ADAMTSL3: variants seen among roughly 807,000 people sequenced by gnomAD.
ADAMTSL3 encodes the protein ADAMTS like 3, also known as ADAMTS-like protein 3.
A neutral mutation model predicts 201.7 loss-of-function variants in ADAMTSL3; 128 were observed. That is an observed-to-expected ratio of 0.63 (90% CI 0.55 to 0.73). ADAMTSL3 has a LOEUF of 0.73. ADAMTSL3 is among the 30% of genes least tolerant of loss of function. The pLI is 0.00. For synonymous variants in ADAMTSL3, 738 were observed against 748.4 expected, an observed-to-expected ratio of 0.99 and a Z score of 0.23; for missense variants, 1,990 against 2,119.6, an observed-to-expected ratio of 0.94 and a Z score of 1.20.
chr15:83,657,030 A>C (rs1156958026), intron 2 of ADAMTSL3, among the ~76,000 whole-genome samples: 2 of 152,184 alleles, frequency 1.3e-5, no homozygotes, highest in African/African-American at 2.4e-5. Flanking sequence ...TAATCATATT[A>C]ATAGAGCTCT....
intron 15 of ADAMTSL3, among the ~76,000 whole-genome samples, chr15:83,909,408 CT>C (rs2065894928): frequency 6.6e-6 from 1 of 152,074 alleles, no homozygotes; most frequent in East Asian, 1.9e-4. Flanking sequence ...ATTTCAGTCA[CT>C]TTTTTCATAT....
At chr15:84,013,920 C>G (rs975256162) in intron 23 of ADAMTSL3, among the ~76,000 whole-genome samples, 1 of 152,186 alleles carries the variant, frequency 6.6e-6, no homozygotes, top group Non-Finnish European at 1.5e-5. Context: ...TGTGTCCAGG[C>G]TCCTGCAATG....
At chr15:83,974,194 T>C (rs1358602154) in intron 20 of ADAMTSL3, among the ~76,000 whole-genome samples, 1 of 152,224 alleles carries the variant, frequency 6.6e-6, no homozygotes, top group African/African-American at 2.4e-5. Context: ...CAGTCGCACT[T>C]AATGTCTGAA....
intron 25 of ADAMTSL3, among the ~76,000 whole-genome samples, chr15:84,018,378 C>A (rs1345061090): frequency 3.9e-5 from 6 of 152,168 alleles, no homozygotes; most frequent in Admixed American, 3.9e-4. Flanking sequence ...TAGTGTTGGA[C>A]AGGGTGGTGT....
At position 83,858,793 on chromosome 15, in the gene ADAMTSL3, T is replaced by C. The variant is rs1224781445; in HGVS notation, c.755T>C (p.Leu252Ser). 1 of 1,613,824 alleles carries C rather than the reference T, an allele frequency of 6.2e-7. No individual in the cohort carries two copies. Among genetic ancestry groups the C allele is most frequent in the Non-Finnish European group, 8.5e-7 (1 of 1,179,910 alleles). Residue 252 changes from leucine to serine, a missense_variant, in exon 8 of 30, where the codon TTG becomes TCG. Physicochemically the swap from Leu to Ser is moderately radical, Grantham distance 145. Transcript: ENST00000286744. Reference protein sequence around the residue: ...KREENVIAVPLGSRSVRITVK... With the variant: ...KREENVIAVPSGSRSVRITVK... ...GAAGAAAATGTAATTGCTGTTCCTT[T>C]GGGAAGTCGAAGTGTGAGAATTACA...
chr15:83,921,423 C>G (rs182834306), intron 16 of ADAMTSL3, among the ~76,000 whole-genome samples: 16 of 152,192 alleles, frequency 1.1e-4, no homozygotes, highest in African/African-American at 3.6e-4. Context: ...ATTTATTTTA[C>G]AACTTGGCAT....
At chr15:83,714,965 AT>A (rs1310517983) in intron 3 of ADAMTSL3, among the ~76,000 whole-genome samples, 1 of 120,268 alleles carries the variant, frequency 8.3e-6, no homozygotes, top group Non-Finnish European at 1.7e-5. Context: ...TCATCTTGGA[AT>A]TTTTTTTCTT....
intron 3 of ADAMTSL3, among the ~76,000 whole-genome samples, chr15:83,714,567 A>G (rs2061974469): frequency 6.6e-6 from 1 of 151,898 alleles, no homozygotes; most frequent in Non-Finnish European, 1.5e-5. Context: ...ACTTCCTCAA[A>G]GAAGTAAGGC....
chr15:83,826,154 G>A (rs1327609264), intron 6 of ADAMTSL3, among the ~76,000 whole-genome samples: 2 of 152,090 alleles, frequency 1.3e-5, no homozygotes, highest in Non-Finnish European at 2.9e-5. Flanking sequence ...TGTCCAGGCT[G>A]GAGTGTAATG....
At chr15:83,951,068 C>T (rs565387501) in intron 19 of ADAMTSL3, among the ~76,000 whole-genome samples, 8 of 150,112 alleles carry the variant, frequency 5.3e-5, no homozygotes, top group East Asian at 3.9e-4. Flanking sequence ...ATAACAGTGG[C>T]GAAAGTGAGC....
intron 5 of ADAMTSL3, among the ~76,000 whole-genome samples, chr15:83,809,607 G>T (rs1454762087): frequency 6.6e-6 from 1 of 152,134 alleles, no homozygotes; most frequent in Non-Finnish European, 1.5e-5. Flanking sequence ...ACTCGTTACT[G>T]TCTTGGTAAA....
chr15:83,704,532 AC>A, intron 3 of ADAMTSL3, 24 bp downstream of exon 3: 2 of 1,611,836 alleles, frequency 1.2e-6, no homozygotes, highest in Non-Finnish European at 1.7e-6. Context: ...ACAAGGATCT[AC>A]CTTTGGCTTT....
intron 3 of ADAMTSL3, among the ~76,000 whole-genome samples, chr15:83,752,953 C>T (rs1223551811): frequency 6.6e-6 from 1 of 152,212 alleles, no homozygotes; most frequent in East Asian, 1.9e-4. Context: ...GCCCTGACTT[C>T]ACAGGCTGAG....
chr15:84,011,924 G>T (rs925504169), intron 23 of ADAMTSL3, among the ~76,000 whole-genome samples: 1 of 152,178 alleles, frequency 6.6e-6, no homozygotes, highest in Non-Finnish European at 1.5e-5. Flanking sequence ...GGTTAAGAAA[G>T]GTTCTGAATC....
intron 9 of ADAMTSL3, among the ~76,000 whole-genome samples, chr15:83,875,866 C>G (rs2065167889): frequency 1.3e-5 from 2 of 152,066 alleles, no homozygotes; most frequent in African/African-American, 4.8e-5. Context: ...TGAACAAGAA[C>G]AAAATTGAGT....
intron 4 of ADAMTSL3, among the ~76,000 whole-genome samples, chr15:83,774,078 A>G (rs1427879251): frequency 6.6e-6 from 1 of 152,250 alleles, no homozygotes; most frequent in Non-Finnish European, 1.5e-5. Flanking sequence ...TTTATGTTAA[A>G]TAATGTTTGC....
intron 19 of ADAMTSL3, among the ~76,000 whole-genome samples, chr15:83,952,180 T>G (rs1232605757): frequency 6.6e-6 from 1 of 152,156 alleles, no homozygotes; most frequent in South Asian, 2.1e-4. Context: ...TTTAAGAAAA[T>G]TTTCAATTTC....
intron 23 of ADAMTSL3, among the ~76,000 whole-genome samples, chr15:84,002,988 C>A (rs1248149368): frequency 1.6e-5 from 2 of 128,630 alleles, no homozygotes; most frequent in African/African-American, 6.0e-5. Context: ...CTTGCCCAAG[C>A]TGGAGTGCCA....
At chr15:83,732,520 A>G (rs1210027358) in intron 3 of ADAMTSL3, among the ~76,000 whole-genome samples, 2 of 152,136 alleles carry the variant, frequency 1.3e-5, no homozygotes, top group Non-Finnish European at 2.9e-5. Flanking sequence ...AGAAAATTCA[A>G]TTCTGGTCAA....
Sources: allele counts gnomAD v4.1 joint callset (sites outside exome capture counted in the v4.1 genomes callset), GRCh38; gene constraint gnomAD v4.1.1; transcripts MANE v1.5; gene names NCBI Gene and HGNC (gene_info 2026-07-23, HGNC 2026-07-21).